TG: variants seen among roughly 807,000 people sequenced by gnomAD.
TG encodes thyroid hormones.
TG carries 270 observed loss-of-function variants against 324.7 expected under a neutral mutation model. The ratio of observed to expected loss-of-function variants is 0.83; its 90% CI spans 0.75 to 0.92. The LOEUF (loss-of-function observed/expected upper bound fraction) is 0.92. Ranked by LOEUF, TG falls within the 40% of genes least tolerant of loss-of-function variation. TG has a pLI of 0.00. For synonymous variants in TG, 1,401 were observed against 1,327.0 expected (o/e 1.06, Z -1.21); for missense variants, 3,591 against 3,456.4 (o/e 1.04, Z -0.98).
chr8:133,035,559 A>T (rs572687254), intron 41 of TG, among the ~76,000 whole-genome samples: 4 of 152,330 alleles, frequency 2.6e-5, no homozygotes, highest in African/African-American at 7.2e-5. Context: ...TCCAAATAAA[A>T]TTATTGACTT....
chr8:132,946,187 A>G (rs748738154), intron 26 of TG, among the ~76,000 whole-genome samples: 16 of 152,122 alleles, frequency 1.1e-4, no homozygotes, highest in Non-Finnish European at 1.8e-4. Context: ...CAGATGCACA[A>G]TGACTCACCA....
At chr8:133,035,681 C>G (rs991648874) in intron 41 of TG, among the ~76,000 whole-genome samples, 2 of 152,194 alleles carry the variant, frequency 1.3e-5, no homozygotes, top group Non-Finnish European at 2.9e-5. Context: ...GCACATCTCT[C>G]TTTGCCATTA....
chr8:133,072,699 C>T (rs1055477796), intron 41 of TG, among the ~76,000 whole-genome samples: 2 of 152,192 alleles, frequency 1.3e-5, no homozygotes, highest in African/African-American at 4.8e-5. Flanking sequence ...TAATTTCTGT[C>T]TTTAAAAAGG....
intron 10 of TG, among the ~76,000 whole-genome samples, chr8:132,892,327 T>A (rs1340984851): frequency 6.6e-6 from 1 of 152,176 alleles, no homozygotes; most frequent in Non-Finnish European, 1.5e-5. Context: ...CTGTCTAGAT[T>A]GAAATTCTGA....
chr8:133,112,245 G>C (rs1357830491), intron 43 of TG, among the ~76,000 whole-genome samples: 1 of 152,282 alleles, frequency 6.6e-6, no homozygotes, highest in Non-Finnish European at 1.5e-5. Flanking sequence ...GGTCCTGTGT[G>C]CTTGTAAATG....
Position 132,908,442 on chromosome 8 carries a change from G to T in TG, c.4002+102G>T. ...CATTAACACAGAGGCTGGAGACAGG[G>T]GCCCCATCTTCAAGTGTTTGCTGGA... is the stretch of plus-strand genomic sequence containing the variant. On this transcript the variant is annotated intron_variant, in intron 18 of 47. Transcript: ENST00000220616. 2 of 292,450 alleles carry T rather than the reference G, an allele frequency of 6.8e-6. 1 individual carries two copies. The highest frequency in any genetic ancestry group is 1.2e-5 in the Non-Finnish European group (2 of 169,258). 18.1% of individuals were successfully genotyped at this position (292,450 alleles called of 1,614,324 possible).
At chr8:132,969,362 T>C in intron 31 of TG, 96 bp from the exon 32 acceptor site, 1 of 873,818 alleles carries the variant, frequency 1.1e-6, no homozygotes, top group Non-Finnish European at 1.9e-6. Context: ...CATCTTTAAT[T>C]GGAAACTTTC....
intron 5 of TG, among the ~76,000 whole-genome samples, chr8:132,877,343 T>C (rs1813962248): frequency 6.6e-6 from 1 of 152,062 alleles, no homozygotes; most frequent in Non-Finnish European, 1.5e-5. Flanking sequence ...TTCACTATGT[T>C]GGTCAGGCTG....
chr8:132,960,109 G>A (rs1229387705), intron 27 of TG, among the ~76,000 whole-genome samples: 1 of 152,170 alleles, frequency 6.6e-6, no homozygotes, highest in Non-Finnish European at 1.5e-5. Flanking sequence ...TGGATGACAG[G>A]TTGGTAGGCG....
At chr8:133,015,704 C>T (rs907185625) in intron 37 of TG, among the ~76,000 whole-genome samples, 1 of 152,202 alleles carries the variant, frequency 6.6e-6, no homozygotes, top group Non-Finnish European at 1.5e-5. Flanking sequence ...TCCAGCACTT[C>T]AGCAGCCACG....
intron 35 of TG, among the ~76,000 whole-genome samples, chr8:132,986,899 T>G (rs938599858): frequency 1.3e-5 from 2 of 152,172 alleles, no homozygotes; most frequent in Non-Finnish European, 2.9e-5. Context: ...GTTTTATCAC[T>G]AAAAAATTAT....
chr8:133,082,418 G>T (rs944661583), intron 41 of TG, among the ~76,000 whole-genome samples: 1 of 152,170 alleles, frequency 6.6e-6, no homozygotes, highest in Non-Finnish European at 1.5e-5. Flanking sequence ...TTCCCTCCTT[G>T]TAGATTGCAA....
At chr8:133,047,560 A>G (rs1431747280) in intron 41 of TG, 3 of 487,162 alleles carry the variant, frequency 6.2e-6, no homozygotes, top group African/African-American at 5.9e-5. Flanking sequence ...TTTTGTTCTC[A>G]GTTGCTGGAA....
At chr8:132,971,895 T>C in intron 33 of TG, 22 bp downstream of exon 33, 2 of 1,519,230 alleles carry the variant, frequency 1.3e-6, no homozygotes, top group Non-Finnish European at 1.8e-6. Context: ...AACAACTTCC[T>C]CTCCCCTGCG....
intron 2 of TG, among the ~76,000 whole-genome samples, chr8:132,868,713 C>T (rs1011893013): frequency 1.3e-5 from 2 of 152,176 alleles, no homozygotes; most frequent in African/African-American, 2.4e-5. Flanking sequence ...GCTTCTGGGT[C>T]GCTGTCTCCA....
At chr8:132,966,427 T>C in intron 29 of TG, 133 bp from the exon 30 acceptor site, 2 of 1,186,042 alleles carry the variant, frequency 1.7e-6, no homozygotes, top group Non-Finnish European at 1.2e-6. Flanking sequence ...AAAATGTCTC[T>C]GTCTCTATCT....
At position 133,134,763 on chromosome 8, in the gene TG, A is replaced by G; in HGVS notation, c.8276A>G (p.Gln2759Arg). Residue 2759 changes from glutamine to arginine, a missense_variant, in exon 48 of 48, where the codon CAG becomes CGG. By Grantham distance (43) the Gln-to-Arg change is conservative. Coordinates refer to ENST00000220616, the MANE Select transcript of TG (RefSeq NM_003235.5). ...CTAAGAGAAGATCTCCTAAGCCTCC[A>G]GGAACCAGGCTCTAAGACCTACAGC... The part of the protein sequence containing the change: ...SGLREDLLSL[Q>R]EPGSKTYSK 6.2e-7 allele frequency: 1 copy of G among 1,614,166 alleles called. No homozygotes were observed. The highest frequency in any genetic ancestry group is 8.5e-7 in the Non-Finnish European group (1 of 1,180,002).
intron 45 of TG, among the ~76,000 whole-genome samples, chr8:133,131,244 G>C (rs1174117240): frequency 1.3e-5 from 2 of 152,176 alleles, no homozygotes; most frequent in Non-Finnish European, 2.9e-5. Flanking sequence ...TGGCTTCCAA[G>C]TCATTATTCC....
intron 28 of TG, among the ~76,000 whole-genome samples, chr8:132,961,688 G>T (rs1342280187): frequency 1.3e-5 from 2 of 152,130 alleles, no homozygotes; most frequent in Non-Finnish European, 2.9e-5. Context: ...ACTATTGAAG[G>T]GTTCCGGCCT....
Sources: gnomAD v4.1 joint callset for allele counts (sites outside exome capture counted in the v4.1 genomes callset) on GRCh38, gnomAD v4.1.1 for gene constraint, MANE v1.5 for transcripts, NCBI Gene and HGNC (gene_info 2026-07-23, HGNC 2026-07-21) for gene names.